SDK1: variants seen among roughly 807,000 people sequenced by gnomAD.
SDK1 encodes the protein sidekick cell adhesion molecule 1.
SDK1 carries 157 observed loss-of-function variants against 245.5 expected under a neutral mutation model. That is an observed-to-expected ratio of 0.64 (90% CI 0.56 to 0.73). SDK1 has a LOEUF of 0.73. SDK1 is among the 30% of genes least tolerant of loss of function. The probability of loss-of-function intolerance (pLI) is 0.00; values close to 1 mark genes in which losing one functional copy is unlikely to be tolerated. For synonymous variants in SDK1, 1,647 were observed against 1,278.5 expected (o/e 1.29, Z -6.15); for missense variants, 3,583 against 3,002.3 (o/e 1.19, Z -4.52).
At chr7:3,408,136 C>G (rs1215651782) in intron 1 of SDK1, among the ~76,000 whole-genome samples, 1 of 152,050 alleles carries the variant, frequency 6.6e-6, no homozygotes, top group Non-Finnish European at 1.5e-5. Context: ...CTCCCAGGTT[C>G]AAGCAATTCT....
At position 3,527,771 on chromosome 7, in the gene SDK1, G is replaced by A. The variant is rs73035975; in HGVS notation, c.299-91309G>A. Among the ~76,000 whole-genome samples the A allele has an allele frequency of 7.3e-5, 11 of 150,512 alleles. 1 individual carries two copies. Among genetic ancestry groups the A allele is most frequent in the Admixed American group, 2.6e-4 (4 of 15,150 alleles). ...GATAGCTAGGGGGTGAGTAGTGGTA[G>A]GTGAGGTTGGATCATAGCCAGCTAG... On this transcript the variant is annotated intron_variant, in intron 1 of 44. Transcript: ENST00000404826.
chr7:4,169,305 T>C (rs583462), intron 32 of SDK1, among the ~76,000 whole-genome samples: 42,857 of 152,140 alleles, frequency 0.28, 7,899 homozygotes, highest in African/African-American at 0.52. Context: ...GACCCGGCAC[T>C]TGGGCTAGTC....
Position 4,068,267 on chromosome 7 carries a change from T to G in SDK1, c.3010+331T>G, listed in dbSNP as rs184877694. On this transcript the variant is annotated intron_variant, in intron 20 of 44. Coordinates refer to ENST00000404826, the MANE Select transcript of SDK1 (RefSeq NM_152744.4). ...TTTGTTCACATGCGTGTGTCTTGCTTAATTCTCATAGCAGCATGGTAAGGT... is the reference window on the plus strand; with the variant it reads ...TTTGTTCACATGCGTGTGTCTTGCTGAATTCTCATAGCAGCATGGTAAGGT... Among the ~76,000 whole-genome samples the G allele has an allele frequency of 8.5e-5, 13 of 152,356 alleles. No homozygotes were observed. In the East Asian group the frequency reaches 2.5e-3, roughly 29 times the overall value.
chr7:3,664,346 G>T (rs774022613), intron 4 of SDK1, among the ~76,000 whole-genome samples: 16 of 152,144 alleles, frequency 1.1e-4, no homozygotes, highest in Admixed American at 2.6e-4. Flanking sequence ...CCATTGCTTT[G>T]TGGCAAAGTA....
At chr7:3,593,848 CCT>C (rs1780967380) in intron 1 of SDK1, among the ~76,000 whole-genome samples, 1 of 152,144 alleles carries the variant, frequency 6.6e-6, no homozygotes, top group Non-Finnish European at 1.5e-5. Context: ...TTTCTGAACC[CCT>C]GTGTGCCCGT....
chr7:3,927,282 A>G (rs1779806172), intron 5 of SDK1, among the ~76,000 whole-genome samples: 3 of 152,130 alleles, frequency 2.0e-5, no homozygotes, highest in Non-Finnish European at 4.4e-5. Flanking sequence ...ATTGAAATAG[A>G]ATTTTTTTTT....
intron 1 of SDK1, among the ~76,000 whole-genome samples, chr7:3,444,138 G>A (rs555696449): frequency 3.9e-5 from 6 of 152,148 alleles, no homozygotes; most frequent in Non-Finnish European, 5.9e-5. Context: ...TGGAAAGGGC[G>A]GGTTTAATTC....
At chr7:3,362,093 G>A (rs1780967800) in intron 1 of SDK1, among the ~76,000 whole-genome samples, 3 of 152,134 alleles carry the variant, frequency 2.0e-5, no homozygotes, top group Admixed American at 2.0e-4. Flanking sequence ...CTGAGTGAAG[G>A]GACCTAGTTC....
chr7:3,504,293 G>A (rs1255646614), intron 1 of SDK1, among the ~76,000 whole-genome samples: 1 of 149,712 alleles, frequency 6.7e-6, no homozygotes, highest in East Asian at 2.0e-4. Flanking sequence ...TGTTGTTGTT[G>A]CAGAATTTGA....
At chr7:3,508,883 ATAT>A (rs1356956809) in intron 1 of SDK1, among the ~76,000 whole-genome samples, 4 of 152,204 alleles carry the variant, frequency 2.6e-5, no homozygotes, top group Non-Finnish European at 5.9e-5. Context: ...GGAATGAATG[ATAT>A]TATAGGAAGT....
At chr7:3,556,120 G>GT (rs998171026) in intron 1 of SDK1, among the ~76,000 whole-genome samples, 4 of 152,156 alleles carry the variant, frequency 2.6e-5, no homozygotes, top group African/African-American at 4.8e-5. Context: ...GTACTTCTAT[G>GT]TTTTTTGCAG....
chr7:4,086,509 A>T (rs570527702), intron 22 of SDK1, among the ~76,000 whole-genome samples: 1 of 152,232 alleles, frequency 6.6e-6, no homozygotes, highest in Admixed American at 6.5e-5. Flanking sequence ...GCTGTCAGCC[A>T]TGGTCATTCC....
At chr7:3,845,429 G>A (rs1371769542) in intron 5 of SDK1, among the ~76,000 whole-genome samples, 3 of 147,158 alleles carry the variant, frequency 2.0e-5, no homozygotes, top group Non-Finnish European at 3.0e-5. Flanking sequence ...GGCAGAGGTT[G>A]CAGTGAGCCG....
chr7:3,621,138 G>A (rs887044725), intron 2 of SDK1, among the ~76,000 whole-genome samples: 2 of 152,144 alleles, frequency 1.3e-5, no homozygotes, highest in Admixed American at 1.3e-4. Flanking sequence ...TCTAGTGATC[G>A]TAGGCAGCAT....
intron 1 of SDK1, among the ~76,000 whole-genome samples, chr7:3,575,900 C>T (rs553856107): frequency 5.3e-5 from 8 of 151,792 alleles, no homozygotes; most frequent in Non-Finnish European, 4.4e-5. Flanking sequence ...CATGAATAGC[C>T]CAGAGAAATA....
At chr7:3,331,400 T>C (rs1437317404) in intron 1 of SDK1, among the ~76,000 whole-genome samples, 3 of 152,246 alleles carry the variant, frequency 2.0e-5, no homozygotes, top group African/African-American at 7.2e-5. Context: ...TGGCTAATAA[T>C]GTTGAGCATC....
At chr7:3,747,365 T>A (rs1779655630) in intron 4 of SDK1, among the ~76,000 whole-genome samples, 2 of 152,250 alleles carry the variant, frequency 1.3e-5, no homozygotes, top group African/African-American at 4.8e-5. Flanking sequence ...AACATGTTTG[T>A]GCTATTTTCT....
In SDK1 at chr7:3,487,162, G is replaced by T. The variant is rs777390393; in HGVS notation, c.299-131918G>T. ...TGTGGCAGGCTAGAATTGGCCCACT[G>T]GTCTTAGTGTGCCAGCTCCTGGTCA... On this transcript the variant is annotated intron_variant, in intron 1 of 44. Transcript: ENST00000404826. Among the ~76,000 whole-genome samples the T allele has an allele frequency of 5.9e-5, 9 of 152,146 alleles. 1 individual carries two copies. Among genetic ancestry groups the T allele is most frequent in the Non-Finnish European group, 1.3e-4 (9 of 68,014 alleles).
chr7:3,527,918 G>C (rs1397828844), intron 1 of SDK1, among the ~76,000 whole-genome samples: 1 of 150,366 alleles, frequency 6.7e-6, no homozygotes. Flanking sequence ...ATCATGGCCA[G>C]CTAGGGGGTG....
Sources: gnomAD v4.1 joint callset for allele counts (sites outside exome capture counted in the v4.1 genomes callset) on GRCh38, gnomAD v4.1.1 for gene constraint, MANE v1.5 for transcripts, NCBI Gene and HGNC (gene_info 2026-07-23, HGNC 2026-07-21) for gene names.